The following IGF2BP3 variants were observed in gnomAD, a reference collection of about 807,000 sequenced individuals.
IGF2BP3 encodes the protein insulin-like growth factor 2 mRNA-binding protein 3.
A neutral mutation model predicts 73.8 loss-of-function variants in IGF2BP3; 9 were observed. The ratio of observed to expected loss-of-function variants is 0.12; its 90% CI spans 0.07 to 0.21. IGF2BP3 has a LOEUF of 0.21. Ranked by LOEUF, IGF2BP3 falls within the 10% of genes least tolerant of loss-of-function variation. The probability of loss-of-function intolerance (pLI) is 1.00; values close to 1 mark genes in which losing one functional copy is unlikely to be tolerated. For missense variants in IGF2BP3, 542 were observed against 714.0 expected, an observed-to-expected ratio of 0.76 and a Z score of 2.75; for synonymous variants, 258 against 256.7, an observed-to-expected ratio of 1.01 and a Z score of -0.05.
intron 2 of IGF2BP3, among the ~76,000 whole-genome samples, chr7:23,424,412 C>A (rs541974334): frequency 4.6e-5 from 7 of 151,842 alleles, no homozygotes; most frequent in Non-Finnish European, 1.0e-4. Flanking sequence ...GCAGGAGAAT[C>A]GCCTGAACCA....
chr7:23,318,740 T>C (rs1402280915), intron 11 of IGF2BP3, among the ~76,000 whole-genome samples: 1 of 152,178 alleles, frequency 6.6e-6, no homozygotes, highest in Non-Finnish European at 1.5e-5. Context: ...CCACAGTAGC[T>C]AACAAGAAAC....
chr7:23,311,336 C>A lies in IGF2BP3; in HGVS notation c.*1026G>T, dbSNP rs1783822361. The A allele has an allele frequency of 6.6e-6, 1 of 152,574 alleles. No individual in the cohort carries two copies. 9.5% of individuals were successfully genotyped at this position (152,574 alleles called of 1,614,324 possible). On this transcript the variant is annotated 3_prime_UTR_variant, in exon 15 of 15. Coordinates refer to ENST00000258729, the MANE Select transcript of IGF2BP3 (RefSeq NM_006547.3). ...GTCAGTTGAAAGTCTTGCATCTCTT[C>A]ACTGATGCACTTTCTTTAGGTATTG...
chr7:23,406,342 C>T (rs1317831491), intron 3 of IGF2BP3, among the ~76,000 whole-genome samples: 1 of 152,108 alleles, frequency 6.6e-6, no homozygotes, highest in Non-Finnish European at 1.5e-5. Flanking sequence ...AAACAAAATA[C>T]TAATCAAATT....
chr7:23,432,189 C>T (rs1247314039), intron 2 of IGF2BP3, among the ~76,000 whole-genome samples: 2 of 152,154 alleles, frequency 1.3e-5, no homozygotes, highest in South Asian at 2.1e-4. Flanking sequence ...AGTCTGACAG[C>T]CAGACGTGCA....
At chr7:23,395,308 G>A (rs543581944) in intron 3 of IGF2BP3, among the ~76,000 whole-genome samples, 3 of 151,988 alleles carry the variant, frequency 2.0e-5, no homozygotes, top group East Asian at 3.9e-4. Flanking sequence ...TAAAACACCC[G>A]CAATATACTT....
chr7:23,440,155 C>T (rs1443799594), intron 2 of IGF2BP3, among the ~76,000 whole-genome samples: 6 of 151,790 alleles, frequency 4.0e-5, no homozygotes, highest in East Asian at 1.9e-4. Context: ...CCCAGCTACT[C>T]GGGAGGCTGA....
intron 3 of IGF2BP3, among the ~76,000 whole-genome samples, chr7:23,375,637 A>AT (rs1785693875): frequency 6.6e-6 from 1 of 152,208 alleles, no homozygotes; most frequent in Non-Finnish European, 1.5e-5. Context: ...AACTCCAAAC[A>AT]TAATTCTGGT....
At chr7:23,343,235 CA>C (rs1222421376) in intron 9 of IGF2BP3, among the ~76,000 whole-genome samples, 9 of 152,114 alleles carry the variant, frequency 5.9e-5, no homozygotes, top group African/African-American at 2.2e-4. Context: ...CTTTTATATG[CA>C]TTATATCTAT....
At chr7:23,417,519 A>G (rs1469311920) in intron 3 of IGF2BP3, among the ~76,000 whole-genome samples, 4 of 152,232 alleles carry the variant, frequency 2.6e-5, no homozygotes, top group Non-Finnish European at 5.9e-5. Flanking sequence ...ATTAAAAGGA[A>G]ACTCTGCCCA....
rs769423774 is a variant in IGF2BP3 at position 23,346,444 on chromosome 7, C to A, written c.819-382G>T. On this transcript the variant is annotated intron_variant, in intron 7 of 14. Transcript: ENST00000258729. ...AATTTATAGAAGGAAACAGAAGAAA[C>A]AACAGTGGTTACACTTTGGGGGAAG... is the stretch of plus-strand genomic sequence containing the variant. Among the ~76,000 whole-genome samples, 62 of 152,092 alleles carry A rather than the reference C, an allele frequency of 4.1e-4. 1 individual carries two copies. Among genetic ancestry groups the A allele is most frequent in the Non-Finnish European group, 8.5e-4 (58 of 68,004 alleles).
chr7:23,355,933 CAAAAAA>C (rs35407214), intron 5 of IGF2BP3, among the ~76,000 whole-genome samples: 1 of 115,874 alleles, frequency 8.6e-6, no homozygotes, highest in Non-Finnish European at 1.9e-5. Context: ...ACTTTGTCTC[CAAAAAA>C]AAAAAAAAAA....
chr7:23,331,501 AGAGT>A (rs1297517156), intron 10 of IGF2BP3, among the ~76,000 whole-genome samples: 1 of 152,222 alleles, frequency 6.6e-6, no homozygotes, highest in Non-Finnish European at 1.5e-5. Context: ...CAGATGAGAC[AGAGT>A]GAGACTCTGT....
At chr7:23,377,811 T>C (rs901056579) in intron 3 of IGF2BP3, among the ~76,000 whole-genome samples, 9 of 152,304 alleles carry the variant, frequency 5.9e-5, no homozygotes, top group Non-Finnish European at 1.2e-4. Flanking sequence ...TGGCTGCACC[T>C]TGAAAATATT....
intron 3 of IGF2BP3, among the ~76,000 whole-genome samples, chr7:23,394,063 G>A (rs952335170): frequency 6.6e-6 from 1 of 150,830 alleles, no homozygotes; most frequent in African/African-American, 2.5e-5. Context: ...TAGGGGTTGT[G>A]TGATTAAAAA....
rs1248190214 is a variant in IGF2BP3, at chr7:23,310,442, C to CAGAT, written c.*1916_*1919dup. On this transcript the variant is annotated 3_prime_UTR_variant, in exon 15 of 15. Transcript: ENST00000258729. ...TGAAATATGACAGAATTTAAACCAG[C>CAGAT]AGATATAAATGCAGCACCTATGTGT... The CAGAT allele has an allele frequency of 1.3e-5, 2 of 152,258 alleles. No homozygotes were observed. The highest frequency in any genetic ancestry group is 2.4e-5 in the African/African-American group (1 of 41,550). The allele number at this position is 152,258 out of a possible 1,614,324, so 9.4% of individuals were successfully genotyped here.
chr7:23,421,041 G>A (rs553503198), intron 2 of IGF2BP3, among the ~76,000 whole-genome samples: 17 of 152,122 alleles, frequency 1.1e-4, no homozygotes, highest in African/African-American at 2.6e-4. Flanking sequence ...CAAGAGTCTC[G>A]CTCTGTCGCC....
chr7:23,358,963 G>A (rs1487101209), intron 5 of IGF2BP3, among the ~76,000 whole-genome samples: 1 of 152,168 alleles, frequency 6.6e-6, no homozygotes, highest in Non-Finnish European at 1.5e-5. Context: ...TCAGTATTTA[G>A]TATTTAATAA....
At chr7:23,404,644 A>G (rs968600419) in intron 3 of IGF2BP3, among the ~76,000 whole-genome samples, 1 of 152,126 alleles carries the variant, frequency 6.6e-6, no homozygotes, top group Admixed American at 6.6e-5. Flanking sequence ...GCAGTAAATT[A>G]TAGCCTTTCT....
intron 10 of IGF2BP3, among the ~76,000 whole-genome samples, chr7:23,326,094 C>T (rs1405405112): frequency 1.3e-5 from 2 of 152,048 alleles, no homozygotes; most frequent in Non-Finnish European, 2.9e-5. Context: ...AGAGCTTCTG[C>T]ACAGCAAAAG....
Sources: gnomAD v4.1 joint callset for allele counts (sites outside exome capture counted in the v4.1 genomes callset) on GRCh38, gnomAD v4.1.1 for gene constraint, MANE v1.5 for transcripts, NCBI Gene and HGNC (gene_info 2026-07-23, HGNC 2026-07-21) for gene names.